The following UBAP2 variants were observed in gnomAD, a reference collection of about 807,000 sequenced individuals.
UBAP2 encodes ubiquitin associated protein 2.
Under a neutral mutation model 139.6 loss-of-function variants are expected in UBAP2, and 75 were observed. That is an observed-to-expected ratio of 0.54 (90% CI 0.45 to 0.65). The LOEUF (loss-of-function observed/expected upper bound fraction) is 0.65, where lower values mean the gene tolerates loss of function less well. Among genes scored for constraint, UBAP2 ranks in the 30% least tolerant of loss-of-function variants. UBAP2 has a pLI of 0.00. For synonymous variants in UBAP2, 526 were observed against 526.2 expected (o/e 1.00, Z 0.01); for missense variants, 1,368 against 1,369.6 (o/e 1.00, Z 0.02).
intron 2 of UBAP2, among the ~76,000 whole-genome samples, chr9:34,007,618 A>G (rs1049458519): frequency 1.3e-5 from 2 of 149,984 alleles, no homozygotes; most frequent in Admixed American, 6.7e-5. Flanking sequence ...AAATGATCAT[A>G]TGTTTTTTGT....
chr9:33,987,960 C>A (rs1304168884), intron 5 of UBAP2, among the ~76,000 whole-genome samples: 1 of 152,144 alleles, frequency 6.6e-6, no homozygotes, highest in Non-Finnish European at 1.5e-5. Flanking sequence ...GCATTAATAG[C>A]TCTACATAAT....
intron 6 of UBAP2, among the ~76,000 whole-genome samples, chr9:33,974,831 T>G (rs1433824542): frequency 6.7e-6 from 1 of 149,826 alleles, no homozygotes; most frequent in South Asian, 2.1e-4. Flanking sequence ...TCCCAGGTAC[T>G]CGGGAGGCTG....
chr9:33,963,132 A>G (rs943368256), intron 9 of UBAP2, among the ~76,000 whole-genome samples: 2 of 152,240 alleles, frequency 1.3e-5, no homozygotes, highest in Non-Finnish European at 2.9e-5. Flanking sequence ...GGCACTATGT[A>G]TGTAGCCTGA....
chr9:34,015,812 A>AT (rs1824199524), intron 2 of UBAP2, among the ~76,000 whole-genome samples: 1 of 152,028 alleles, frequency 6.6e-6, no homozygotes, highest in East Asian at 1.9e-4. Flanking sequence ...GGGACTACAA[A>AT]TGGAAGCCAT....
chr9:33,933,998 A>G (rs1587516481), intron 17 of UBAP2: 1 of 185,840 alleles, frequency 5.4e-6, no homozygotes, highest in East Asian at 1.2e-4. Flanking sequence ...CGTGAGGCAA[A>G]CTCCTCAAAG....
In UBAP2 at chr9:34,046,643, CAAAAAAAAAAAAAAAA is replaced by C. The variant is rs59971755; in HGVS notation, c.-42+2166_-42+2181del. On this transcript the variant is annotated intron_variant, in intron 1 of 28. Coordinates refer to ENST00000379238, the MANE Select transcript of UBAP2 (RefSeq NM_001370062.2). ...TGGGCGACAGAACAAGACTCCATCTCAAAAAAAAAAAAAAAAAAAAAAAAAAAAAGAAGGCTTCACT... is the reference window on the plus strand; with the variant it reads ...TGGGCGACAGAACAAGACTCCATCTCAAAAAAAAAAAAAGAAGGCTTCACT... 2.4e-3 allele frequency among the ~76,000 whole-genome samples: 299 copies of C among 122,296 alleles called. 1 individual carries two copies. The East Asian group carries it at 0.032, about 13-fold the overall frequency. The allele number at this position is 122,296 out of a possible 152,430, so 80.2% of individuals were successfully genotyped here. A position where few individuals can be genotyped will look rare whatever the true frequency, so the allele number is the denominator to read the frequency against.
intron 5 of UBAP2, 143 bp downstream of exon 5, chr9:33,988,830 A>T: frequency 1.1e-6 from 1 of 879,112 alleles, no homozygotes; most frequent in Non-Finnish European, 1.8e-6. Flanking sequence ...TCAGTCGTTC[A>T]GAATGTATGG....
At chr9:34,023,169 T>G (rs1202355277) in intron 1 of UBAP2, among the ~76,000 whole-genome samples, 1 of 148,952 alleles carries the variant, frequency 6.7e-6, no homozygotes, top group Non-Finnish European at 1.5e-5. Flanking sequence ...GAGGTTGCAG[T>G]GAGCTGAGAT....
At chr9:33,938,275 C>T (rs1302821867) in intron 16 of UBAP2, among the ~76,000 whole-genome samples, 10 of 151,824 alleles carry the variant, frequency 6.6e-5, no homozygotes, top group Admixed American at 6.6e-4. Flanking sequence ...ACCACAGGCT[C>T]GCACCACCAC....
At chr9:33,927,298 G>A (rs1199219696) in intron 20 of UBAP2, among the ~76,000 whole-genome samples, 1 of 152,134 alleles carries the variant, frequency 6.6e-6, no homozygotes, top group East Asian at 1.9e-4. Context: ...AGAGTTCCGG[G>A]CCCAGACAAA....
intron 16 of UBAP2, among the ~76,000 whole-genome samples, chr9:33,941,013 A>C (rs1200826862): frequency 6.6e-6 from 1 of 152,228 alleles, no homozygotes; most frequent in Non-Finnish European, 1.5e-5. Flanking sequence ...TTCCTGGGAC[A>C]GAATGATGTT....
intron 1 of UBAP2, among the ~76,000 whole-genome samples, chr9:34,030,925 T>C (rs943793709): frequency 6.7e-6 from 1 of 148,160 alleles, no homozygotes; most frequent in Non-Finnish European, 1.5e-5. Context: ...GCAAGACTCA[T>C]CTCAAAAAAA....
intron 3 of UBAP2, chr9:33,997,193 G>A (rs1322461070): frequency 6.6e-6 from 1 of 152,128 alleles, no homozygotes; most frequent in Non-Finnish European, 1.5e-5. Flanking sequence ...AAGTAATGAT[G>A]AAAGAAACTC....
At chr9:34,005,038 G>A (rs573301069) in intron 2 of UBAP2, among the ~76,000 whole-genome samples, 46 of 151,860 alleles carry the variant, frequency 3.0e-4, no homozygotes, top group East Asian at 1.2e-3. Context: ...TGAGGCAGGC[G>A]GATCACTTGA....
intron 1 of UBAP2, among the ~76,000 whole-genome samples, chr9:34,030,076 G>C (rs1825758641): frequency 6.6e-6 from 1 of 151,814 alleles, no homozygotes; most frequent in South Asian, 2.1e-4. Flanking sequence ...TGTGGCAGGA[G>C]AGCAGTGTGG....
chr9:33,936,289 AT>A (rs1347031589), intron 16 of UBAP2, among the ~76,000 whole-genome samples: 2 of 151,228 alleles, frequency 1.3e-5, no homozygotes, highest in Non-Finnish European at 2.9e-5. Flanking sequence ...GACCCAAATA[AT>A]TTTTTTTTAA....
intron 1 of UBAP2, among the ~76,000 whole-genome samples, chr9:34,031,079 G>A (rs1449792153): frequency 6.6e-6 from 1 of 152,076 alleles, no homozygotes; most frequent in African/African-American, 2.4e-5. Context: ...AGGAGTTTGA[G>A]ACCAGCCTGG....
intron 1 of UBAP2, among the ~76,000 whole-genome samples, chr9:34,031,456 C>T (rs561537608): frequency 1.3e-5 from 2 of 151,888 alleles, no homozygotes; most frequent in African/African-American, 4.8e-5. Flanking sequence ...TACAGATGCC[C>T]ACCACCACAC....
At chr9:33,999,335 A>G (rs1822486065) in intron 2 of UBAP2, among the ~76,000 whole-genome samples, 1 of 151,968 alleles carries the variant, frequency 6.6e-6, no homozygotes, top group South Asian at 2.1e-4. Context: ...AAAAAAAAAA[A>G]AGGCTTAAAA....
Sources: allele counts gnomAD v4.1 joint callset (sites outside exome capture counted in the v4.1 genomes callset), GRCh38; gene constraint gnomAD v4.1.1; transcripts MANE v1.5; gene names NCBI Gene and HGNC (gene_info 2026-07-23, HGNC 2026-07-21).